The following ARHGAP15 variants were observed in gnomAD, a reference collection of about 807,000 sequenced individuals.
The protein encoded by ARHGAP15 is Rho GTPase activating protein 15, also known as rho GTPase-activating protein 15.
In ARHGAP15, 51 loss-of-function variants were observed where a neutral mutation model predicts 63.7. That is an observed-to-expected ratio of 0.80 (90% CI 0.64 to 1.01). The LOEUF (loss-of-function observed/expected upper bound fraction) is 1.01, where lower values mean the gene tolerates loss of function less well. Ranked by LOEUF, ARHGAP15 falls within the 50% of genes least tolerant of loss-of-function variation. The pLI, the probability that ARHGAP15 is intolerant of heterozygous loss-of-function variation, is 0.00. For missense variants in ARHGAP15, 560 were observed against 564.6 expected (o/e 0.99, Z 0.08); for synonymous variants, 191 against 193.8 (o/e 0.99, Z 0.12).
chr2:143,490,093 G>C (rs1002747054), intron 9 of ARHGAP15, among the ~76,000 whole-genome samples: 1 of 151,844 alleles, frequency 6.6e-6, no homozygotes, highest in African/African-American at 2.4e-5. Flanking sequence ...TCTGCCTCCT[G>C]GGTTCACGCC....
At chr2:143,387,885 G>GCACA (rs1221492362) in intron 6 of ARHGAP15, among the ~76,000 whole-genome samples, 1 of 149,606 alleles carries the variant, frequency 6.7e-6, no homozygotes, top group Non-Finnish European at 1.5e-5. Context: ...ACGCATGCGT[G>GCACA]CACATACACA....
At chr2:143,545,319 G>A (rs981607289) in intron 10 of ARHGAP15, among the ~76,000 whole-genome samples, 2 of 152,194 alleles carry the variant, frequency 1.3e-5, no homozygotes, top group African/African-American at 4.8e-5. Context: ...CCAACACAGA[G>A]ACACTGAGAA....
At chr2:143,692,375 C>T (rs1028022611) in intron 12 of ARHGAP15, among the ~76,000 whole-genome samples, 1 of 152,188 alleles carries the variant, frequency 6.6e-6, no homozygotes, top group Non-Finnish European at 1.5e-5. Flanking sequence ...CCTGGCTCAA[C>T]TACAGCTAGA....
chr2:143,630,090 T>C (rs1330815947), intron 12 of ARHGAP15, among the ~76,000 whole-genome samples: 1 of 152,140 alleles, frequency 6.6e-6, no homozygotes, highest in Non-Finnish European at 1.5e-5. Context: ...TTTTTCTACA[T>C]TTTAAAAGCT....
intron 6 of ARHGAP15, among the ~76,000 whole-genome samples, chr2:143,423,099 G>GGA (rs1454091569): frequency 1.3e-5 from 2 of 152,096 alleles, no homozygotes; most frequent in African/African-American, 4.8e-5. Context: ...AGAAAGAGCT[G>GGA]GAGAAACCCC....
chr2:143,171,102 C>A (rs1690762736), intron 2 of ARHGAP15, among the ~76,000 whole-genome samples: 1 of 151,840 alleles, frequency 6.6e-6, no homozygotes, highest in African/African-American at 2.4e-5. Flanking sequence ...TTTAGAGATA[C>A]CTCATAGTCA....
intron 11 of ARHGAP15, among the ~76,000 whole-genome samples, chr2:143,585,389 TAAAC>T (rs1261585311): frequency 5.3e-5 from 8 of 152,130 alleles, no homozygotes; most frequent in Non-Finnish European, 2.9e-5. Context: ...ATTTCATAAA[TAAAC>T]ACATACATAA....
chr2:143,609,723 T>G (rs971070296), intron 11 of ARHGAP15, among the ~76,000 whole-genome samples: 1 of 152,142 alleles, frequency 6.6e-6, no homozygotes, highest in African/African-American at 2.4e-5. Context: ...TTCACTACCC[T>G]GTTCGGTACC....
chr2:143,532,237 A>T lies in ARHGAP15; in HGVS notation c.925+12873A>T, dbSNP rs116108827. On this transcript the variant is annotated intron_variant, in intron 10 of 13. Transcript: ENST00000295095. Reference sequence around the variant, plus strand: ...TCAGATGCCAAGATTTTACAGGCATAACTTCCATAAGCTTTAATGGGAATT... The same window carrying T: ...TCAGATGCCAAGATTTTACAGGCATTACTTCCATAAGCTTTAATGGGAATT... Among the ~76,000 whole-genome samples the T allele has an allele frequency of 5.5e-3, 837 of 152,354 alleles. 5 individuals carry two copies. The highest frequency in any genetic ancestry group is 0.017 in the Middle Eastern group (5 of 294).
At chr2:143,347,411 G>A (rs555891942) in intron 6 of ARHGAP15, among the ~76,000 whole-genome samples, 11 of 152,202 alleles carry the variant, frequency 7.2e-5, no homozygotes, top group African/African-American at 2.4e-5. Flanking sequence ...CTGGTTTGTC[G>A]AAGAAAATTG....
At chr2:143,566,329 A>G (rs1429352269) in intron 11 of ARHGAP15, among the ~76,000 whole-genome samples, 1 of 152,176 alleles carries the variant, frequency 6.6e-6, no homozygotes, top group African/African-American at 2.4e-5. Flanking sequence ...GATGAGCTCC[A>G]TAAAATAAGA....
intron 6 of ARHGAP15, among the ~76,000 whole-genome samples, chr2:143,317,096 T>G (rs1341650234): frequency 1.3e-5 from 2 of 152,212 alleles, no homozygotes; most frequent in Admixed American, 1.3e-4. Flanking sequence ...CCTGTGGTCC[T>G]CATCACTCTT....
intron 5 of ARHGAP15, among the ~76,000 whole-genome samples, chr2:143,229,890 G>C (rs1693371861): frequency 6.6e-6 from 1 of 152,118 alleles, no homozygotes; most frequent in Non-Finnish European, 1.5e-5. Context: ...GCTGATTTTG[G>C]AGTCTCAGTG....
At chr2:143,333,594 T>A (rs1036216754) in intron 6 of ARHGAP15, among the ~76,000 whole-genome samples, 1 of 152,176 alleles carries the variant, frequency 6.6e-6, no homozygotes, top group African/African-American at 2.4e-5. Flanking sequence ...AAAGTAAATA[T>A]ACTGTAGCTC....
At chr2:143,640,623 T>C in intron 12 of ARHGAP15, 1 of 152,124 alleles carries the variant, frequency 6.6e-6, no homozygotes. Context: ...CTTCAAAGGG[T>C]TACCTGAACT....
At chr2:143,250,966 T>C (rs1680131432) in intron 6 of ARHGAP15, among the ~76,000 whole-genome samples, 1 of 152,026 alleles carries the variant, frequency 6.6e-6, no homozygotes, top group South Asian at 2.1e-4. Flanking sequence ...TATAAGCTAT[T>C]TACATTCATT....
rs544659480 is a variant in ARHGAP15, at chr2:143,293,290, T to C, written c.474+42690T>C. Among the ~76,000 whole-genome samples the C allele has an allele frequency of 5.9e-5, 9 of 152,240 alleles. No homozygotes were observed. The South Asian group carries it at 1.9e-3, about 32-fold the overall frequency. On this transcript the variant is annotated intron_variant, in intron 6 of 13. Coordinates refer to ENST00000295095, the MANE Select transcript of ARHGAP15 (RefSeq NM_018460.4). ...TCTAGAGGAGAGGAAGTCATCATCCTCATCACTAGCAACTGACATTTATTA... is the reference window on the plus strand; with the variant it reads ...TCTAGAGGAGAGGAAGTCATCATCCCCATCACTAGCAACTGACATTTATTA...
chr2:143,659,285 A>G (rs1681619493), intron 12 of ARHGAP15, among the ~76,000 whole-genome samples: 1 of 152,202 alleles, frequency 6.6e-6, no homozygotes, highest in Non-Finnish European at 1.5e-5. Flanking sequence ...GTGGGGATCT[A>G]ATATGCGGCA....
chr2:143,143,371 T>C (rs1689448619), intron 1 of ARHGAP15, among the ~76,000 whole-genome samples: 1 of 151,936 alleles, frequency 6.6e-6, no homozygotes, highest in Non-Finnish European at 1.5e-5. Flanking sequence ...GTATATTGTA[T>C]CTCTTATCTT....
Sources: allele counts gnomAD v4.1 joint callset (sites outside exome capture counted in the v4.1 genomes callset), GRCh38; gene constraint gnomAD v4.1.1; transcripts MANE v1.5; gene names NCBI Gene and HGNC (gene_info 2026-07-23, HGNC 2026-07-21).